CERS6: variants seen among roughly 807,000 people sequenced by gnomAD.
CERS6 encodes ceramide synthase 6.
CERS6 carries 26 observed loss-of-function variants against 56.8 expected under a neutral mutation model. The observed-to-expected ratio is 0.46, with a 90% CI of 0.34 to 0.63. The LOEUF is 0.63. Among genes scored for constraint, CERS6 ranks in the 30% least tolerant of loss-of-function variants. The pLI is 0.01. For missense variants in CERS6, 415 were observed against 467.5 expected, an observed-to-expected ratio of 0.89 and a Z score of 1.04; for synonymous variants, 164 against 173.3, an observed-to-expected ratio of 0.95 and a Z score of 0.42.
intron 9 of CERS6, among the ~76,000 whole-genome samples, chr2:168,769,112 C>A (rs1422597388): frequency 3.3e-5 from 5 of 151,756 alleles, no homozygotes; most frequent in Admixed American, 3.3e-4. Flanking sequence ...TAATTGAGAG[C>A]TGATTTTAAA....
At chr2:168,676,888 C>T (rs976353135) in intron 4 of CERS6, among the ~76,000 whole-genome samples, 2 of 151,948 alleles carry the variant, frequency 1.3e-5, no homozygotes, top group African/African-American at 4.8e-5. Context: ...CTTCTAATCG[C>T]GACTGTCTGC....
At chr2:168,581,554 A>T (rs941858356) in intron 3 of CERS6, among the ~76,000 whole-genome samples, 2 of 152,012 alleles carry the variant, frequency 1.3e-5, no homozygotes, top group Non-Finnish European at 2.9e-5. Context: ...CCTTTTAACT[A>T]TTTCTGTTTA....
chr2:168,666,358 C>G (rs984192689), intron 4 of CERS6, among the ~76,000 whole-genome samples: 1 of 152,192 alleles, frequency 6.6e-6, no homozygotes, highest in African/African-American at 2.4e-5. Flanking sequence ...CATCTTCTTA[C>G]TTTCTCCAAA....
chr2:168,550,277 A>G (rs867942978), intron 2 of CERS6, among the ~76,000 whole-genome samples: 2 of 152,062 alleles, frequency 1.3e-5, no homozygotes, highest in African/African-American at 2.4e-5. Context: ...CTGGGCTCAA[A>G]TGATCCTCTT....
chr2:168,605,703 A>G (rs1324788407), intron 3 of CERS6, among the ~76,000 whole-genome samples: 2 of 152,194 alleles, frequency 1.3e-5, no homozygotes, highest in African/African-American at 2.4e-5. Context: ...TGCTCCAGCC[A>G]TGGCTCAAAG....
At position 168,630,575 on chromosome 2, in the gene CERS6, A is replaced by C. The variant is rs1244734932; in HGVS notation, c.408-410A>C. On this transcript the variant is annotated intron_variant, in intron 3 of 9. Coordinates refer to ENST00000305747, the MANE Select transcript of CERS6 (RefSeq NM_203463.3). ...TGAAATTCTTACCTAATTTTAAAAT[A>C]TTAACTCTTTTAAAACAAATATGAA... is the stretch of plus-strand genomic sequence containing the variant. Among the ~76,000 whole-genome samples the C allele has an allele frequency of 2.6e-5, 4 of 152,282 alleles. No homozygotes were observed. The East Asian group carries it at 5.8e-4, about 22-fold the overall frequency.
At chr2:168,757,492 T>C (rs546714691) in intron 8 of CERS6, among the ~76,000 whole-genome samples, 22 of 152,332 alleles carry the variant, frequency 1.4e-4, no homozygotes, top group African/African-American at 5.1e-4. Flanking sequence ...CCATGTCCTG[T>C]TGGCTAAGAA....
chr2:168,707,742 C>T (rs1207464275), intron 6 of CERS6, among the ~76,000 whole-genome samples: 1 of 152,000 alleles, frequency 6.6e-6, no homozygotes, highest in Non-Finnish European at 1.5e-5. Context: ...GGGGAGAGAC[C>T]CAGAATCAAC....
At chr2:168,554,857 A>G (rs2105376930) in intron 2 of CERS6, among the ~76,000 whole-genome samples, 1 of 152,326 alleles carries the variant, frequency 6.6e-6, no homozygotes, top group Admixed American at 6.5e-5. Context: ...TTGACTTTTT[A>G]TTGTCAGAGG....
chr2:168,525,641 CG>C (rs897748193), intron 1 of CERS6, among the ~76,000 whole-genome samples: 6 of 152,314 alleles, frequency 3.9e-5, no homozygotes, highest in East Asian at 1.9e-4. Flanking sequence ...TCCTATACAA[CG>C]GCCCGAGCCC....
At chr2:168,573,916 G>A (rs1000276360) in intron 3 of CERS6, among the ~76,000 whole-genome samples, 1 of 152,166 alleles carries the variant, frequency 6.6e-6, no homozygotes, top group Non-Finnish European at 1.5e-5. Context: ...TGTAGGCTAT[G>A]TAGTATTTTA....
intron 2 of CERS6, among the ~76,000 whole-genome samples, chr2:168,558,772 G>C (rs1183730355): frequency 6.6e-6 from 1 of 152,204 alleles, no homozygotes; most frequent in East Asian, 1.9e-4. Flanking sequence ...TGGATGCTGA[G>C]GCAGGAGAAT....
intron 5 of CERS6, among the ~76,000 whole-genome samples, chr2:168,691,441 A>C (rs966831927): frequency 2.0e-4 from 30 of 152,194 alleles, no homozygotes; most frequent in African/African-American, 6.5e-4. Flanking sequence ...CTGCCTCAAC[A>C]GCAAGTGGGA....
At chr2:168,567,975 G>C (rs1177553716) in intron 3 of CERS6, among the ~76,000 whole-genome samples, 1 of 152,174 alleles carries the variant, frequency 6.6e-6, no homozygotes, top group Non-Finnish European at 1.5e-5. Flanking sequence ...TTGAAACCTT[G>C]TCCCCCTCGT....
intron 8 of CERS6, among the ~76,000 whole-genome samples, chr2:168,737,465 A>G (rs1184514716): frequency 6.6e-6 from 1 of 152,208 alleles, no homozygotes; most frequent in Non-Finnish European, 1.5e-5. Flanking sequence ...ACCAGTATTC[A>G]TGGGAAATTC....
chr2:168,579,404 A>T (rs11691723), intron 3 of CERS6, among the ~76,000 whole-genome samples: 113,893 of 151,560 alleles, frequency 0.75, 44,805 homozygotes, highest in East Asian at 0.94. Context: ...AGGTGTTTTT[A>T]AAAAAATCCT....
intron 8 of CERS6, among the ~76,000 whole-genome samples, chr2:168,744,222 G>A (rs1684026419): frequency 6.6e-6 from 1 of 151,860 alleles, no homozygotes; most frequent in Admixed American, 6.6e-5. Context: ...AGCCAGGATG[G>A]TCTCTATCTC....
chr2:168,765,642 C>G lies in CERS6; in HGVS notation c.896C>G (p.Pro299Arg), dbSNP rs781023294. ...FESWEIVGPY[P>R]SWWVFNLLLL... ...AGCTGGGAGATCGTTGGACCTTACC[C>G]TTCCTGGTGGGTTTTTAACCTACTG... is the stretch of plus-strand genomic sequence containing the variant. The change falls in exon 9 of 10, where the codon CCT (proline) becomes CGT (arginine). Residue 299 changes from proline to arginine, a missense_variant. Pro to Arg is a moderately radical substitution (Grantham distance 103, BLOSUM62 -2). Coordinates refer to ENST00000305747, the MANE Select transcript of CERS6 (RefSeq NM_203463.3). The G allele has an allele frequency of 1.9e-6, 3 of 1,614,124 alleles. No homozygotes were observed. In the Admixed American group the frequency reaches 5.0e-5, roughly 27 times the overall value.
intron 3 of CERS6, among the ~76,000 whole-genome samples, chr2:168,620,400 C>G (rs953055298): frequency 1.1e-4 from 16 of 152,090 alleles, no homozygotes; most frequent in African/African-American, 3.9e-4. Context: ...CAAATAACAC[C>G]TATTCCTCAA....
Sources: allele counts gnomAD v4.1 joint callset (sites outside exome capture counted in the v4.1 genomes callset), GRCh38; gene constraint gnomAD v4.1.1; transcripts MANE v1.5; gene names NCBI Gene and HGNC (gene_info 2026-07-23, HGNC 2026-07-21).